Variants in PIGU observed in about 807,000 individuals in gnomAD.
The protein encoded by PIGU is phosphatidylinositol glycan anchor biosynthesis class U.
Under a neutral mutation model 49.9 loss-of-function variants are expected in PIGU, and 24 were observed. The observed-to-expected ratio is 0.48, with a 90% CI of 0.35 to 0.68. The LOEUF is 0.68. PIGU is among the 30% of genes least tolerant of loss of function. The pLI, the probability that PIGU is intolerant of heterozygous loss-of-function variation, is 0.01. For synonymous variants in PIGU, 220 were observed against 205.7 expected, an observed-to-expected ratio of 1.07 and a Z score of -0.59; for missense variants, 490 against 532.6, an observed-to-expected ratio of 0.92 and a Z score of 0.79.
intron 11 of PIGU, chr20:34,562,576 G>C (rs1461337375): frequency 7.8e-7 from 1 of 1,287,942 alleles, no homozygotes; most frequent in South Asian, 1.2e-5. Context: ...CTGGAAGGTT[G>C]AACAATCCTC....
chr20:34,659,642 G>A (rs1231055282), intron 1 of PIGU, among the ~76,000 whole-genome samples: 2 of 152,194 alleles, frequency 1.3e-5, no homozygotes, highest in African/African-American at 2.4e-5. Context: ...TTGAGAAATC[G>A]GATGGTGGCC....
intron 1 of PIGU, among the ~76,000 whole-genome samples, chr20:34,659,332 C>T (rs1211836164): frequency 7.4e-5 from 11 of 147,866 alleles, no homozygotes; most frequent in African/African-American, 2.5e-4. Context: ...GGCCAGCCGC[C>T]CCGTCCGGGA....
At chr20:34,567,877 A>C (rs1982841870) in intron 11 of PIGU, among the ~76,000 whole-genome samples, 3 of 150,750 alleles carry the variant, frequency 2.0e-5, no homozygotes, top group African/African-American at 7.3e-5. Context: ...CATAGAACCC[A>C]GTTAGATCCT....
chr20:34,611,816 C>A (rs1480072807), intron 7 of PIGU, among the ~76,000 whole-genome samples: 2 of 152,052 alleles, frequency 1.3e-5, no homozygotes, highest in East Asian at 3.9e-4. Flanking sequence ...CAATAAGATA[C>A]CATCTCACGC....
chr20:34,599,315 T>G (rs1270132380), intron 7 of PIGU, among the ~76,000 whole-genome samples: 1 of 151,898 alleles, frequency 6.6e-6, no homozygotes, highest in Non-Finnish European at 1.5e-5. Flanking sequence ...TAGCAAGGCA[T>G]GGTGGCACGC....
At chr20:34,590,840 G>A (rs1983943216) in intron 7 of PIGU, among the ~76,000 whole-genome samples, 1 of 151,946 alleles carries the variant, frequency 6.6e-6, no homozygotes, top group Non-Finnish European at 1.5e-5. Context: ...GGCTAACATG[G>A]TGAAACCCCG....
intron 7 of PIGU, among the ~76,000 whole-genome samples, chr20:34,606,164 A>T (rs1227253055): frequency 6.6e-6 from 1 of 150,582 alleles, no homozygotes; most frequent in Non-Finnish European, 1.5e-5. Flanking sequence ...CTGAGGCAGG[A>T]GAATCGCTTG....
intron 7 of PIGU, among the ~76,000 whole-genome samples, chr20:34,597,237 C>A (rs1333991812): frequency 6.6e-6 from 1 of 151,936 alleles, no homozygotes. Context: ...GGAAATGGGC[C>A]CAAGTTTCTA....
intron 1 of PIGU, among the ~76,000 whole-genome samples, chr20:34,663,115 G>C (rs7363547): frequency 6.6e-6 from 1 of 152,108 alleles, no homozygotes; most frequent in Non-Finnish European, 1.5e-5. Context: ...ATGTTGCGCA[G>C]GCTGGTCTTG....
intron 2 of PIGU, 107 bp downstream of exon 2, chr20:34,657,073 G>T: frequency 2.2e-6 from 2 of 894,378 alleles, no homozygotes; most frequent in Non-Finnish European, 3.5e-6. Context: ...AAATATGATC[G>T]TCAAGAATAC....
chr20:34,645,674 T>A (rs1409963026), intron 2 of PIGU, among the ~76,000 whole-genome samples: 3 of 152,102 alleles, frequency 2.0e-5, no homozygotes, highest in African/African-American at 7.2e-5. Flanking sequence ...GGCAGGCAGA[T>A]CACCAGGTCA....
rs149178118 is a variant in PIGU at position 34,593,862 on chromosome 20, G to C, written c.628-5255C>G. On this transcript the variant is annotated intron_variant, in intron 7 of 11. Coordinates refer to ENST00000217446, the MANE Select transcript of PIGU (RefSeq NM_080476.5). ...CCACTGCACTCCAGCCTGGGGGACT[G>C]AGCAAGAGACCCTGCCTCAAACAAA... Among the ~76,000 whole-genome samples, 448 of 152,196 alleles carry C rather than the reference G, an allele frequency of 2.9e-3. 2 individuals carry two copies. The highest frequency in any genetic ancestry group is 0.01 in the African/African-American group (426 of 41,536).
intron 9 of PIGU, among the ~76,000 whole-genome samples, chr20:34,585,061 C>T (rs1983643988): frequency 6.6e-6 from 1 of 152,212 alleles, no homozygotes; most frequent in African/African-American, 2.4e-5. Flanking sequence ...TCTCAAACTC[C>T]TGGCCTCAAG....
chr20:34,657,158 A>G, intron 2 of PIGU, 22 bp downstream of exon 2: 2 of 1,583,296 alleles, frequency 1.3e-6, no homozygotes, highest in South Asian at 1.1e-5. Context: ...TGGTACCCAG[A>G]AAAGAAAATA....
intron 11 of PIGU, among the ~76,000 whole-genome samples, chr20:34,564,049 A>G (rs1250620782): frequency 6.6e-6 from 1 of 152,198 alleles, no homozygotes; most frequent in East Asian, 1.9e-4. Context: ...TCAACTGTCA[A>G]GGTCATGAGA....
At chr20:34,580,025 C>A (rs1600595406) in intron 10 of PIGU, among the ~76,000 whole-genome samples, 1 of 152,128 alleles carries the variant, frequency 6.6e-6, no homozygotes, top group African/African-American at 2.4e-5. Flanking sequence ...AATGATGTGC[C>A]TAAGAACACA....
At chr20:34,569,781 C>T (rs1296742145) in intron 11 of PIGU, among the ~76,000 whole-genome samples, 1 of 152,126 alleles carries the variant, frequency 6.6e-6, no homozygotes, top group African/African-American at 2.4e-5. Flanking sequence ...GTTTCTGATG[C>T]CAGCTCATTC....
In PIGU at chr20:34,634,607, G is replaced by A. The variant is rs756896268; in HGVS notation, c.529+8C>T. Reference sequence around the variant, plus strand: ...ACTGACCTTTGTACTCTCCTTTCAGGGCCTTACCTTTTATCGTAGTCAAAA... The same window carrying A: ...ACTGACCTTTGTACTCTCCTTTCAGAGCCTTACCTTTTATCGTAGTCAAAA... On this transcript the variant is annotated splice_region_variant and intron_variant, in intron 6 of 11. Transcript: ENST00000217446. 3.7e-6 allele frequency: 6 copies of A among 1,611,788 alleles called. No homozygotes were observed. The highest frequency in any genetic ancestry group is 5.1e-6 in the Non-Finnish European group (6 of 1,178,546).
chr20:34,566,901 G>GGA (rs993321059), intron 11 of PIGU, among the ~76,000 whole-genome samples: 1 of 152,044 alleles, frequency 6.6e-6, no homozygotes, highest in African/African-American at 2.4e-5. Flanking sequence ...GTCACTCAGT[G>GGA]GAGAGAGAGA....
Sources: allele counts gnomAD v4.1 joint callset (sites outside exome capture counted in the v4.1 genomes callset), GRCh38; gene constraint gnomAD v4.1.1; transcripts MANE v1.5; gene names NCBI Gene and HGNC (gene_info 2026-07-23, HGNC 2026-07-21).